CSMD1: variants seen among roughly 807,000 people sequenced by gnomAD.
CSMD1 encodes CUB and Sushi multiple domains 1, also known as CUB and sushi domain-containing protein 1.
CSMD1 carries 213 observed loss-of-function variants against 417.5 expected under a neutral mutation model. That is an observed-to-expected ratio of 0.51 (90% CI 0.46 to 0.57). CSMD1 has a LOEUF of 0.57. Ranked by LOEUF, CSMD1 falls within the 20% of genes least tolerant of loss-of-function variation. The pLI, the probability that CSMD1 is intolerant of heterozygous loss-of-function variation, is 0.00. For missense variants in CSMD1, 6,923 were observed against 4,529.7 expected, an observed-to-expected ratio of 1.53 and a Z score of -15.17; for synonymous variants, 2,862 against 1,736.8, an observed-to-expected ratio of 1.65 and a Z score of -16.11.
Position 3,786,645 on chromosome 8 carries a change from C to A in CSMD1, c.819-32603G>T, listed in dbSNP as rs117284285. ...CTTAAATCTAGCATCTTAGTTCACT[C>A]GAGATGCTATGATAAAATACTACAG... On this transcript the variant is annotated intron_variant, in intron 5 of 69. Transcript: ENST00000635120. Among the ~76,000 whole-genome samples, 985 of 152,212 alleles carry A rather than the reference C, an allele frequency of 6.5e-3. 5 individuals are homozygous for A. Among genetic ancestry groups the A allele is most frequent in the Non-Finnish European group, 0.011 (757 of 68,004 alleles).
chr8:4,786,945 T>G (rs1797430086), intron 1 of CSMD1, among the ~76,000 whole-genome samples: 1 of 152,198 alleles, frequency 6.6e-6, no homozygotes, highest in Non-Finnish European at 1.5e-5. Flanking sequence ...TTTTTAAATC[T>G]TAATGTTTTT....
At chr8:4,180,857 C>A (rs1164556860) in intron 3 of CSMD1, among the ~76,000 whole-genome samples, 1 of 152,128 alleles carries the variant, frequency 6.6e-6, no homozygotes, top group African/African-American at 2.4e-5. Flanking sequence ...TTTAAAAGCT[C>A]ACGATACTAA....
At chr8:3,277,547 A>C (rs1323022461) in intron 26 of CSMD1, among the ~76,000 whole-genome samples, 1 of 152,130 alleles carries the variant, frequency 6.6e-6, no homozygotes, top group East Asian at 1.9e-4. Context: ...AGGTCTAAAA[A>C]TGGCTCCAAA....
At chr8:3,500,493 G>T (rs181448489) in intron 10 of CSMD1, among the ~76,000 whole-genome samples, 2 of 152,132 alleles carry the variant, frequency 1.3e-5, no homozygotes, top group African/African-American at 2.4e-5. Flanking sequence ...GAGTATCAAA[G>T]GAAGGCACGT....
At chr8:4,707,371 T>C (rs955319474) in intron 1 of CSMD1, among the ~76,000 whole-genome samples, 1 of 152,130 alleles carries the variant, frequency 6.6e-6, no homozygotes, top group African/African-American at 2.4e-5. Flanking sequence ...AAAATCTAGA[T>C]TTCCAAAAGC....
intron 3 of CSMD1, among the ~76,000 whole-genome samples, chr8:4,232,726 C>G (rs190986100): frequency 6.6e-6 from 1 of 152,284 alleles, no homozygotes; most frequent in Admixed American, 6.5e-5. Flanking sequence ...CATGATTTAA[C>G]AGTCGTAAGA....
intron 12 of CSMD1, among the ~76,000 whole-genome samples, chr8:3,420,274 T>C (rs181825046): frequency 4.6e-5 from 7 of 152,114 alleles, no homozygotes; most frequent in African/African-American, 1.7e-4. Context: ...ACCTGAGGAA[T>C]AGTCTACACA....
chr8:3,019,939 C>T (rs1455677382), intron 51 of CSMD1, among the ~76,000 whole-genome samples: 2 of 152,232 alleles, frequency 1.3e-5, no homozygotes, highest in Non-Finnish European at 2.9e-5. Context: ...CTATTCAAAG[C>T]AAGCATTAAG....
At chr8:3,300,533 G>C (rs1255861649) in intron 25 of CSMD1, among the ~76,000 whole-genome samples, 6 of 152,148 alleles carry the variant, frequency 3.9e-5, no homozygotes, top group African/African-American at 9.7e-5. Context: ...CTTGTACTAA[G>C]ACATATGAGG....
At chr8:3,528,970 T>G (rs141217202) in intron 10 of CSMD1, among the ~76,000 whole-genome samples, 4 of 152,214 alleles carry the variant, frequency 2.6e-5, no homozygotes, top group Admixed American at 1.3e-4. Flanking sequence ...AGTATGACAG[T>G]TGATATACAT....
chr8:4,952,314 G>A (rs1273899686), intron 1 of CSMD1, among the ~76,000 whole-genome samples: 1 of 147,744 alleles, frequency 6.8e-6, no homozygotes, highest in Non-Finnish European at 1.5e-5. Context: ...ATTAGCCAAC[G>A]CTTTTTGGGA....
intron 3 of CSMD1, among the ~76,000 whole-genome samples, chr8:4,095,181 C>A (rs970424292): frequency 6.6e-6 from 1 of 152,138 alleles, no homozygotes; most frequent in Non-Finnish European, 1.5e-5. Context: ...CGGATAGCCA[C>A]AGCGAACACA....
intron 12 of CSMD1, among the ~76,000 whole-genome samples, chr8:3,411,855 T>C (rs376029058): frequency 0.14 from 12,152 of 89,762 alleles, 903 homozygotes; most frequent in Non-Finnish European, 0.17. Context: ...TGCACGTATA[T>C]ATGCACGTAT....
chr8:4,160,676 G>T (rs535521106), intron 3 of CSMD1, among the ~76,000 whole-genome samples: 2 of 152,190 alleles, frequency 1.3e-5, no homozygotes, highest in Non-Finnish European at 2.9e-5. Context: ...ACATGTCCAC[G>T]CAATGTCCCA....
At chr8:3,712,909 A>G (rs1801610630) in intron 6 of CSMD1, among the ~76,000 whole-genome samples, 1 of 152,172 alleles carries the variant, frequency 6.6e-6, no homozygotes, top group Admixed American at 6.5e-5. Flanking sequence ...AGAAGGAATA[A>G]GTTCAAGAGA....
At chr8:3,759,488 T>C (rs949419407) in intron 5 of CSMD1, among the ~76,000 whole-genome samples, 1 of 152,142 alleles carries the variant, frequency 6.6e-6, no homozygotes, top group Non-Finnish European at 1.5e-5. Context: ...CTTTTAGGCC[T>C]GCTGGATTTG....
At chr8:4,094,699 C>A (rs903698154) in intron 3 of CSMD1, among the ~76,000 whole-genome samples, 1 of 152,124 alleles carries the variant, frequency 6.6e-6, no homozygotes, top group Non-Finnish European at 1.5e-5. Flanking sequence ...GAAACGCCGG[C>A]TTCTAGAGAG....
chr8:4,718,790 A>C (rs76321389), intron 1 of CSMD1, among the ~76,000 whole-genome samples: 2,270 of 152,164 alleles, frequency 0.015, 53 homozygotes, highest in African/African-American at 0.051. Flanking sequence ...TAGAAACTTA[A>C]AATATAAGGA....
intron 8 of CSMD1, among the ~76,000 whole-genome samples, chr8:3,598,853 C>G (rs1049119163): frequency 1.3e-5 from 2 of 152,098 alleles, no homozygotes; most frequent in African/African-American, 2.4e-5. Flanking sequence ...GAGGCCGACA[C>G]AGGTGGATCA....
Sources: gnomAD v4.1 joint callset for allele counts (sites outside exome capture counted in the v4.1 genomes callset) on GRCh38, gnomAD v4.1.1 for gene constraint, MANE v1.5 for transcripts, NCBI Gene and HGNC (gene_info 2026-07-23, HGNC 2026-07-21) for gene names.